FAF1: variants seen among roughly 807,000 people sequenced by gnomAD.
FAF1 encodes the protein Fas associated factor 1, also known as FAS-associated factor 1.
A neutral mutation model predicts 92.5 loss-of-function variants in FAF1; 25 were observed. The observed-to-expected ratio is 0.27, with a 90% CI of 0.20 to 0.38. The LOEUF is 0.38. Among genes scored for constraint, FAF1 ranks in the 10% least tolerant of loss-of-function variants. The probability of loss-of-function intolerance (pLI) is 1.00; values close to 1 mark genes in which losing one functional copy is unlikely to be tolerated. For synonymous variants in FAF1, 234 were observed against 273.2 expected (o/e 0.86, Z 1.42); for missense variants, 636 against 793.3 (o/e 0.80, Z 2.38).
rs1021683197 is a variant in FAF1 at position 50,730,861 on chromosome 1, G to T, written c.551+8002C>A. 2.6e-5 allele frequency among the ~76,000 whole-genome samples: 4 copies of T among 152,122 alleles called. No individual in the cohort carries two copies. In the East Asian group the frequency reaches 5.8e-4, roughly 22 times the overall value. On this transcript the variant is annotated intron_variant, in intron 6 of 18. Coordinates refer to ENST00000396153, the MANE Select transcript of FAF1 (RefSeq NM_007051.3). The stretch of plus-strand genomic sequence containing the variant: ...GCTACACGCTTTTCACTCTCTCTCT[G>T]CCCAACTCTTCATTCCTGCTTCACA...
chr1:50,835,857 G>C (rs1284837551), intron 2 of FAF1, among the ~76,000 whole-genome samples: 1 of 152,044 alleles, frequency 6.6e-6, no homozygotes, highest in Non-Finnish European at 1.5e-5. Context: ...GGTAGATCAA[G>C]GCACCATTAC....
At chr1:50,750,654 C>T (rs1659825252) in intron 4 of FAF1, among the ~76,000 whole-genome samples, 2 of 137,750 alleles carry the variant, frequency 1.5e-5, no homozygotes, top group East Asian at 2.2e-4. Context: ...GAAACAGTAT[C>T]TCTCTGTTGC....
At chr1:50,738,204 G>T (rs1659217045) in intron 6 of FAF1, among the ~76,000 whole-genome samples, 1 of 152,050 alleles carries the variant, frequency 6.6e-6, no homozygotes, top group Admixed American at 6.6e-5. Flanking sequence ...AGCACTTTGG[G>T]AGGCCGAGGT....
intron 2 of FAF1, among the ~76,000 whole-genome samples, chr1:50,845,920 C>T (rs112173124): frequency 6.6e-6 from 1 of 151,978 alleles, no homozygotes; most frequent in African/African-American, 2.4e-5. Flanking sequence ...GTCAGGAGTT[C>T]GAGAACAACC....
chr1:50,684,624 TG>T (rs972314663), intron 7 of FAF1, among the ~76,000 whole-genome samples: 1 of 152,082 alleles, frequency 6.6e-6, no homozygotes, highest in African/African-American at 2.4e-5. Flanking sequence ...ACGATCCCAC[TG>T]AAGCCAATTT....
intron 15 of FAF1, among the ~76,000 whole-genome samples, chr1:50,499,256 A>T (rs1004594850): frequency 2.6e-5 from 4 of 152,126 alleles, no homozygotes; most frequent in African/African-American, 9.7e-5. Context: ...TAGAACTGCC[A>T]ATTCAATGGT....
chr1:50,595,400 G>C (rs1651750377), intron 9 of FAF1, among the ~76,000 whole-genome samples: 1 of 151,968 alleles, frequency 6.6e-6, no homozygotes, highest in Non-Finnish European at 1.5e-5. Flanking sequence ...TTTGGTATAG[G>C]TATAGTGTTA....
chr1:50,512,931 C>T (rs1647155698), intron 15 of FAF1, among the ~76,000 whole-genome samples: 1 of 152,052 alleles, frequency 6.6e-6, no homozygotes, highest in African/African-American at 2.4e-5. Flanking sequence ...CTGTTGGTGT[C>T]CATAAGTGCT....
intron 7 of FAF1, among the ~76,000 whole-genome samples, chr1:50,686,691 T>C (rs1656677656): frequency 6.6e-6 from 1 of 152,042 alleles, no homozygotes; most frequent in Admixed American, 6.6e-5. Flanking sequence ...AATATCAAAC[T>C]CAAGAAAACT....
intron 6 of FAF1, among the ~76,000 whole-genome samples, chr1:50,731,323 A>G (rs556022073): frequency 3.3e-5 from 5 of 151,768 alleles, no homozygotes; most frequent in South Asian, 2.1e-4. Flanking sequence ...TAGAAGTCCA[A>G]TTTAGCTGGG....
intron 6 of FAF1, among the ~76,000 whole-genome samples, chr1:50,720,877 C>A (rs1328731522): frequency 6.6e-6 from 1 of 152,146 alleles, no homozygotes; most frequent in African/African-American, 2.4e-5. Context: ...TCTCCTTACC[C>A]TCTCATAACT....
At chr1:50,794,514 TGTTCAG>T (rs1661673330) in intron 3 of FAF1, among the ~76,000 whole-genome samples, 1 of 152,238 alleles carries the variant, frequency 6.6e-6, no homozygotes, top group Admixed American at 6.5e-5. Flanking sequence ...GTTGGCCAGC[TGTTCAG>T]GTCCTGAAAA....
intron 4 of FAF1, among the ~76,000 whole-genome samples, chr1:50,752,101 T>A (rs1237396663): frequency 6.6e-6 from 1 of 151,970 alleles, no homozygotes; most frequent in African/African-American, 2.4e-5. Context: ...TCTTGAGTAG[T>A]TGGGACTACA....
At chr1:50,874,542 G>A (rs939047754) in intron 1 of FAF1, among the ~76,000 whole-genome samples, 86 of 151,876 alleles carry the variant, frequency 5.7e-4, no homozygotes, top group African/African-American at 1.4e-3. Context: ...TTTACTTTTC[G>A]TAGAAATGGA....
intron 1 of FAF1, among the ~76,000 whole-genome samples, chr1:50,891,948 C>T (rs1364277838): frequency 1.3e-5 from 2 of 152,214 alleles, no homozygotes; most frequent in East Asian, 3.8e-4. Flanking sequence ...TATGCCCTGT[C>T]CCCAGAGGTG....
At chr1:50,731,566 C>T (rs1658925122) in intron 6 of FAF1, among the ~76,000 whole-genome samples, 1 of 151,930 alleles carries the variant, frequency 6.6e-6, no homozygotes, top group African/African-American at 2.4e-5. Flanking sequence ...GACGGGGTTT[C>T]ACTATGTTAG....
chr1:50,915,312 G>A (rs554779019), intron 1 of FAF1, among the ~76,000 whole-genome samples: 3 of 150,662 alleles, frequency 2.0e-5, no homozygotes, highest in Non-Finnish European at 4.4e-5. Flanking sequence ...GGAGGTTGCA[G>A]TGAGCCAAGA....
chr1:50,941,807 C>G (rs1645135695), intron 1 of FAF1, among the ~76,000 whole-genome samples: 1 of 152,226 alleles, frequency 6.6e-6, no homozygotes, highest in South Asian at 2.1e-4. Flanking sequence ...CAAAGAGAAG[C>G]AAGCTACCTC....
At chr1:50,462,061 T>C (rs1214096481) in intron 18 of FAF1, 1 of 147,238 alleles carries the variant, frequency 6.8e-6, no homozygotes, top group Non-Finnish European at 1.5e-5. Flanking sequence ...ATATAACATA[T>C]CAATATTTTA....
Sources: gnomAD v4.1 joint callset for allele counts (sites outside exome capture counted in the v4.1 genomes callset) on GRCh38, gnomAD v4.1.1 for gene constraint, MANE v1.5 for transcripts, NCBI Gene and HGNC (gene_info 2026-07-23, HGNC 2026-07-21) for gene names.